The following KAT2B variants were observed in gnomAD, a reference collection of about 807,000 sequenced individuals.
KAT2B encodes the protein histone acetyltransferase KAT2B.
In KAT2B, 36 loss-of-function variants were observed where a neutral mutation model predicts 105.9. The observed-to-expected ratio is 0.34, with a 90% CI of 0.26 to 0.45. KAT2B has a LOEUF of 0.45. Among genes scored for constraint, KAT2B ranks in the 20% least tolerant of loss-of-function variants. KAT2B has a pLI of 1.00. For synonymous variants in KAT2B, 397 were observed against 377.9 expected (o/e 1.05, Z -0.59); for missense variants, 820 against 1,021.6 (o/e 0.80, Z 2.69).
chr3:20,097,401 A>G (rs1698829979), intron 3 of KAT2B, among the ~76,000 whole-genome samples: 1 of 152,196 alleles, frequency 6.6e-6, no homozygotes, highest in African/African-American at 2.4e-5. Context: ...TGGAAACACA[A>G]TCCAAAATAT....
chr3:20,136,216 T>G (rs560672814), intron 11 of KAT2B, among the ~76,000 whole-genome samples: 19 of 152,344 alleles, frequency 1.2e-4, no homozygotes, highest in African/African-American at 3.8e-4. Context: ...TTATCTCTCT[T>G]TATGAGGTTC....
Position 20,126,124 on chromosome 3 carries a change from C to T in KAT2B, c.1622+11C>T. On this transcript the variant is annotated intron_variant, in intron 10 of 17. Coordinates refer to ENST00000263754, the MANE Select transcript of KAT2B (RefSeq NM_003884.5). ...GCTCGTCTTTGACCCGTAAGTGGTA[C>T]TTTCTGTTCCTTCTTCCTTATTTCC... 1 of 1,565,258 alleles carries T rather than the reference C, an allele frequency of 6.4e-7. No individual in the cohort carries two copies. The highest frequency in any genetic ancestry group is 8.7e-7 in the Non-Finnish European group (1 of 1,151,098).
intron 4 of KAT2B, among the ~76,000 whole-genome samples, chr3:20,100,744 G>GT: frequency 6.6e-6 from 1 of 152,118 alleles, no homozygotes; most frequent in South Asian, 2.1e-4. Flanking sequence ...TAAATTAACA[G>GT]TTTTTTTAAA....
chr3:20,045,075 C>A (rs115910250), intron 1 of KAT2B, among the ~76,000 whole-genome samples: 2 of 152,000 alleles, frequency 1.3e-5, no homozygotes, highest in Admixed American at 1.3e-4. Context: ...AGTACAGTGG[C>A]GTGATCTTGG....
intron 1 of KAT2B, among the ~76,000 whole-genome samples, chr3:20,060,942 AAACAAC>A (rs146487562): frequency 7.3e-5 from 11 of 151,428 alleles, no homozygotes; most frequent in Admixed American, 1.3e-4. Flanking sequence ...CCCTGTCTCA[AAACAAC>A]AACAACAACA....
intron 1 of KAT2B, among the ~76,000 whole-genome samples, chr3:20,061,487 T>C (rs1366338415): frequency 6.6e-6 from 1 of 152,110 alleles, no homozygotes; most frequent in Non-Finnish European, 1.5e-5. Context: ...CTTTTGGGTA[T>C]ATACCCAGAA....
At chr3:20,074,637 A>G (rs956010360) in intron 2 of KAT2B, among the ~76,000 whole-genome samples, 6 of 152,220 alleles carry the variant, frequency 3.9e-5, no homozygotes, top group Admixed American at 3.3e-4. Flanking sequence ...AAAACAATGC[A>G]TATAAGAAGG....
intron 2 of KAT2B, among the ~76,000 whole-genome samples, chr3:20,085,413 G>A (rs1290538804): frequency 6.6e-6 from 1 of 152,098 alleles, no homozygotes; most frequent in African/African-American, 2.4e-5. Context: ...TTTAGAAAGT[G>A]ATGAGGTAAC....
chr3:20,146,516 C>T lies in KAT2B; in HGVS notation c.2119+86C>T, dbSNP rs2686315. ...AACAATTTCCAGAATGCAGTAACTT[C>T]GAAAGCTTTATTGCCCTGCCCGTCT... On this transcript the variant is annotated intron_variant, in intron 14 of 17. Transcript: ENST00000263754. 0.051 allele frequency: 38,388 copies of T among 754,932 alleles called. 1,082 individuals are homozygous for T. The highest frequency in any genetic ancestry group is 0.058 in the Non-Finnish European group (24,963 of 429,676). 46.8% of individuals were successfully genotyped at this position (754,932 alleles called of 1,614,324 possible).
chr3:20,148,225 T>TC lies in KAT2B; in HGVS notation c.2157-15dup. Reference sequence around the variant, plus strand: ...AAAACTCTAATCATTGCTCCTTGTTTCCCTTTTTCCTTTCAAGTAAAGAGC... The same window carrying TC: ...AAAACTCTAATCATTGCTCCTTGTTTCCCCTTTTTCCTTTCAAGTAAAGAGC... On this transcript the variant is annotated splice_polypyrimidine_tract_variant and intron_variant, in intron 15 of 17. Transcript: ENST00000263754. 1 of 1,606,360 alleles carries TC rather than the reference T, an allele frequency of 6.2e-7. No homozygotes were observed. The highest frequency in any genetic ancestry group is 8.5e-7 in the Non-Finnish European group (1 of 1,173,510).
intron 8 of KAT2B, 94 bp from the exon 9 acceptor site, chr3:20,122,574 T>C (rs1699329386): frequency 2.1e-6 from 2 of 942,680 alleles, no homozygotes; most frequent in South Asian, 3.3e-5. Flanking sequence ...TTGACCTCCA[T>C]GCCCATCAAT....
intron 1 of KAT2B, among the ~76,000 whole-genome samples, chr3:20,054,453 A>G (rs1697971143): frequency 6.6e-6 from 1 of 152,182 alleles, no homozygotes; most frequent in Non-Finnish European, 1.5e-5. Flanking sequence ...AAGTGTGAAT[A>G]ATGTCTCTAA....
chr3:20,152,642 T>C lies in KAT2B; in HGVS notation c.*117T>C, dbSNP rs564514494. ...TTGAAGAGACTTGTAAATGTAATAA[T>C]TAGCACTTTTGAAAAAACAAAAAAC... On this transcript the variant is annotated 3_prime_UTR_variant, in exon 18 of 18. Coordinates refer to ENST00000263754, the MANE Select transcript of KAT2B (RefSeq NM_003884.5). 6.7e-6 allele frequency: 5 copies of C among 745,924 alleles called. No individual in the cohort carries two copies. The African/African-American group carries it at 8.8e-5, about 13-fold the overall frequency. The allele number at this position is 745,924 out of a possible 1,614,324, so 46.2% of individuals were successfully genotyped here.
rs61697250 is a variant in KAT2B, at chr3:20,079,202, C to CTTTTT, written c.430+6759_430+6763dup. ...AGGCATGAGCCACCACACCTGGCCT[C>CTTTTT]TTTTTTTTTTTTTTTTTTTTGCCAC... On this transcript the variant is annotated intron_variant, in intron 2 of 17. Coordinates refer to ENST00000263754, the MANE Select transcript of KAT2B (RefSeq NM_003884.5). 2.9e-5 allele frequency among the ~76,000 whole-genome samples: 3 copies of CTTTTT among 102,182 alleles called. No homozygotes were observed. In the Admixed American group the frequency reaches 3.4e-4, roughly 12 times the overall value. 67.0% of individuals were successfully genotyped at this position (102,182 alleles called of 152,430 possible). A position where few individuals can be genotyped will look rare whatever the true frequency, so the allele number is the denominator to read the frequency against.
chr3:20,129,007 C>CAAAAAA (rs534566854), intron 11 of KAT2B, among the ~76,000 whole-genome samples: 44 of 57,234 alleles, frequency 7.7e-4, no homozygotes, highest in East Asian at 1.1e-3. Context: ...AACTCCATCT[C>CAAAAAA]AAAAAAAAAA....
chr3:20,127,337 T>C, intron 10 of KAT2B, 86 bp from the exon 11 acceptor site: 1 of 1,181,574 alleles, frequency 8.5e-7, no homozygotes, highest in East Asian at 2.3e-5. Flanking sequence ...TGTCCCTCTT[T>C]CTTAGTTGGT....
chr3:20,122,624 G>C, intron 8 of KAT2B, 44 bp from the exon 9 acceptor site: 4 of 1,526,494 alleles, frequency 2.6e-6, no homozygotes, highest in Non-Finnish European at 3.6e-6. Context: ...TTTGTTTTGT[G>C]TTTAGAACCA....
chr3:20,147,151 TAAAC>T lies in KAT2B; in HGVS notation c.2119+725_2119+728del, dbSNP rs549570175. Among the ~76,000 whole-genome samples, 141 of 152,284 alleles carry T rather than the reference TAAAC, an allele frequency of 9.3e-4. 1 individual carries two copies. Among genetic ancestry groups the T allele is most frequent in the African/African-American group, 3.3e-3 (139 of 41,566 alleles). On this transcript the variant is annotated intron_variant, in intron 14 of 17. Transcript: ENST00000263754. The stretch of plus-strand genomic sequence containing the variant: ...TCTTTTTAGTATATTTAAGCTTTAA[TAAAC>T]AAAATCAAACAAGCAAAAATTTTCC...
chr3:20,142,425 A>G (rs1050092165), intron 13 of KAT2B, among the ~76,000 whole-genome samples: 2 of 152,202 alleles, frequency 1.3e-5, no homozygotes, highest in Non-Finnish European at 2.9e-5. Context: ...TTGATTTTTT[A>G]TAAGTATTAT....
Sources: gnomAD v4.1 joint callset for allele counts (sites outside exome capture counted in the v4.1 genomes callset) on GRCh38, gnomAD v4.1.1 for gene constraint, MANE v1.5 for transcripts, NCBI Gene and HGNC (gene_info 2026-07-23, HGNC 2026-07-21) for gene names.